CDH18: variants seen among roughly 807,000 people sequenced by gnomAD.
CDH18 encodes cadherin-18.
In CDH18, 31 loss-of-function variants were observed where a neutral mutation model predicts 67.9. The ratio of observed to expected loss-of-function variants is 0.46; its 90% confidence interval spans 0.34 to 0.62. The LOEUF is 0.62. Among genes scored for constraint, CDH18 ranks in the 20% least tolerant of loss-of-function variants. The pLI, the probability that CDH18 is intolerant of heterozygous loss-of-function variation, is 0.01. For synonymous variants in CDH18, 362 were observed against 347.2 expected (o/e 1.04, Z -0.48); for missense variants, 890 against 975.5 (o/e 0.91, Z 1.17).
intron 2 of CDH18, among the ~76,000 whole-genome samples, chr5:20,244,112 C>A (rs1183130924): frequency 3.3e-5 from 5 of 152,008 alleles, no homozygotes; most frequent in Non-Finnish European, 7.4e-5. Flanking sequence ...ATGATTTTAA[C>A]ATATGATTGA....
intron 1 of CDH18, among the ~76,000 whole-genome samples, chr5:20,348,404 A>G (rs1279521428): frequency 1.3e-5 from 2 of 152,214 alleles, no homozygotes; most frequent in African/African-American, 4.8e-5. Context: ...AAATATTTAC[A>G]ATGATTAATG....
Position 19,473,574 on chromosome 5 carries a change from G to A in CDH18, c.2025C>T (p.Ala675=). The A allele has an allele frequency of 6.2e-7, 1 of 1,613,832 alleles. No individual in the cohort carries two copies. Among genetic ancestry groups the A allele is most frequent in the South Asian group, 1.1e-5 (1 of 91,072 alleles). ...EEDTEAFDIT[A]LRNPSAAEEL... ...CCTCAGCAGCAGAAGGATTCCTCAA[G>A]GCTGTGATGTCAAAGGCCTCTGTGT... The change falls in exon 13 of 13, where the codon GCC becomes GCT. Residue 675 remains alanine, a synonymous_variant. Coordinates refer to ENST00000382275, the MANE Select transcript of CDH18 (RefSeq NM_004934.5).
intron 1 of CDH18, among the ~76,000 whole-genome samples, chr5:20,520,134 C>A (rs753448018): frequency 6.6e-6 from 1 of 151,296 alleles, no homozygotes; most frequent in Non-Finnish European, 1.5e-5. Flanking sequence ...GATGACAGGG[C>A]ATTAGGGTGT....
chr5:19,927,791 CCAAA>C (rs1793256188), intron 2 of CDH18, among the ~76,000 whole-genome samples: 1 of 152,054 alleles, frequency 6.6e-6, no homozygotes, highest in African/African-American at 2.4e-5. Flanking sequence ...TCCCAGAATA[CCAAA>C]CAACCAATAT....
At chr5:19,712,106 G>A (rs1764777554) in intron 5 of CDH18, among the ~76,000 whole-genome samples, 1 of 151,964 alleles carries the variant, frequency 6.6e-6, no homozygotes. Flanking sequence ...GCTAAATAAT[G>A]TGTACACATG....
chr5:20,172,922 G>A (rs745894958), intron 2 of CDH18, among the ~76,000 whole-genome samples: 1 of 151,660 alleles, frequency 6.6e-6, no homozygotes, highest in Admixed American at 6.6e-5. Flanking sequence ...CCCGAGAGGC[G>A]GAGGTTGCAG....
intron 1 of CDH18, among the ~76,000 whole-genome samples, chr5:20,362,589 A>G (rs1167347867): frequency 1.3e-5 from 2 of 152,174 alleles, no homozygotes; most frequent in Non-Finnish European, 2.9e-5. Flanking sequence ...CTGACAAGCT[A>G]CAAAGTAAAG....
intron 1 of CDH18, among the ~76,000 whole-genome samples, chr5:20,388,562 A>G (rs1162593559): frequency 1.3e-5 from 2 of 151,520 alleles, no homozygotes; most frequent in South Asian, 2.1e-4. Flanking sequence ...TTGTGTCTCT[A>G]TCTCCTTCAG....
At chr5:20,186,658 G>C (rs1374420351) in intron 2 of CDH18, among the ~76,000 whole-genome samples, 1 of 151,854 alleles carries the variant, frequency 6.6e-6, no homozygotes, top group East Asian at 1.9e-4. Flanking sequence ...AAAATAATAT[G>C]TTGGCATTTT....
chr5:20,553,390 C>T (rs1462431248), intron 1 of CDH18, among the ~76,000 whole-genome samples: 1 of 152,160 alleles, frequency 6.6e-6, no homozygotes, highest in Non-Finnish European at 1.5e-5. Flanking sequence ...TAGCACTCTT[C>T]TGTCCTTATA....
At chr5:19,710,009 C>A (rs913634284) in intron 5 of CDH18, among the ~76,000 whole-genome samples, 3 of 152,054 alleles carry the variant, frequency 2.0e-5, no homozygotes, top group Admixed American at 6.6e-5. Context: ...GTGGCAGGCA[C>A]CTGTAATCCC....
intron 6 of CDH18, among the ~76,000 whole-genome samples, chr5:19,607,257 G>A (rs1748199296): frequency 6.6e-6 from 1 of 151,292 alleles, no homozygotes; most frequent in South Asian, 2.1e-4. Flanking sequence ...GTACCAGGAA[G>A]GGTAAATTAT....
At chr5:20,103,911 C>A (rs1290094115) in intron 2 of CDH18, among the ~76,000 whole-genome samples, 2 of 151,308 alleles carry the variant, frequency 1.3e-5, no homozygotes, top group African/African-American at 2.4e-5. Context: ...TTTAGGTACA[C>A]AAATACCATT....
chr5:20,149,767 G>A (rs1355142700), intron 2 of CDH18, among the ~76,000 whole-genome samples: 2 of 152,096 alleles, frequency 1.3e-5, no homozygotes, highest in African/African-American at 2.4e-5. Context: ...AGACTAGTAT[G>A]ATCTTTGCTG....
chr5:19,906,631 G>C (rs1203696994), intron 2 of CDH18, among the ~76,000 whole-genome samples: 1 of 151,940 alleles, frequency 6.6e-6, no homozygotes, highest in African/African-American at 2.4e-5. Flanking sequence ...AAGATGGTTT[G>C]AAGTGCTGTT....
At chr5:20,048,004 G>A (rs1291129763) in intron 2 of CDH18, among the ~76,000 whole-genome samples, 2 of 151,698 alleles carry the variant, frequency 1.3e-5, no homozygotes, top group African/African-American at 2.4e-5. Flanking sequence ...ATCATGAACA[G>A]TCAGAGTTTA....
At chr5:20,243,639 G>C (rs1186606881) in intron 2 of CDH18, among the ~76,000 whole-genome samples, 1 of 151,900 alleles carries the variant, frequency 6.6e-6, no homozygotes, top group Non-Finnish European at 1.5e-5. Context: ...TTCCAAAAAA[G>C]AGTCCTAGCC....
At chr5:19,743,006 A>C (rs1769434685) in intron 4 of CDH18, among the ~76,000 whole-genome samples, 1 of 152,144 alleles carries the variant, frequency 6.6e-6, no homozygotes, top group African/African-American at 2.4e-5. Flanking sequence ...ATACCAAATA[A>C]AGCCACAACC....
intron 2 of CDH18, among the ~76,000 whole-genome samples, chr5:20,066,896 A>T (rs755503158): frequency 6.6e-6 from 1 of 151,916 alleles, no homozygotes; most frequent in Non-Finnish European, 1.5e-5. Flanking sequence ...CCCTTAGAAA[A>T]TGGGCTAAAT....
Sources: allele counts gnomAD v4.1 joint callset (sites outside exome capture counted in the v4.1 genomes callset), GRCh38; gene constraint gnomAD v4.1.1; transcripts MANE v1.5; gene names NCBI Gene and HGNC (gene_info 2026-07-23, HGNC 2026-07-21).